Variants in PTPRN2 observed in about 807,000 individuals in gnomAD.
PTPRN2 encodes protein tyrosine phosphatase receptor type N2, also known as receptor-type tyrosine-protein phosphatase N2.
In PTPRN2, 74 loss-of-function variants were observed where a neutral mutation model predicts 118.8. The ratio of observed to expected loss-of-function variants is 0.62; its 90% confidence interval spans 0.52 to 0.76. PTPRN2 has a LOEUF of 0.76. PTPRN2 is among the 30% of genes least tolerant of loss of function. PTPRN2 has a pLI of 0.00. For missense variants in PTPRN2, 1,481 were observed against 1,394.4 expected, an observed-to-expected ratio of 1.06 and a Z score of -0.99; for synonymous variants, 641 against 608.0, an observed-to-expected ratio of 1.05 and a Z score of -0.80.
chr7:157,759,172 G>A (rs1801987710), intron 12 of PTPRN2, among the ~76,000 whole-genome samples: 1 of 152,240 alleles, frequency 6.6e-6, no homozygotes, highest in African/African-American at 2.4e-5. Context: ...CCTCTCCTGG[G>A]AGCATCGGTG....
At position 158,316,986 on chromosome 7, in the gene PTPRN2, A is replaced by AG. The variant is rs1440444419; in HGVS notation, c.164-55dup. Reference sequence around the variant, plus strand: ...ACGAGACGTTTCATTTTCAGAGAGCAGGAAGGTGTCACACACGTCCTTGCA... The same window carrying AG: ...ACGAGACGTTTCATTTTCAGAGAGCAGGGAAGGTGTCACACACGTCCTTGCA... On this transcript the variant is annotated intron_variant, in intron 2 of 22. Transcript: ENST00000389418. 2.9e-6 allele frequency: 4 copies of AG among 1,389,376 alleles called. No individual in the cohort carries two copies. The African/African-American group carries it at 5.7e-5, about 20-fold the overall frequency. The allele number at this position is 1,389,376 out of a possible 1,614,324, so 86.1% of individuals were successfully genotyped here.
chr7:157,568,704 C>T (rs1336453684), intron 21 of PTPRN2, among the ~76,000 whole-genome samples, 198 bp downstream of exon 21: 1 of 152,240 alleles, frequency 6.6e-6, no homozygotes, highest in African/African-American at 2.4e-5. Flanking sequence ...ACTGCAGGCT[C>T]GGCACGCAGA....
chr7:158,228,999 T>C (rs1424502526), intron 3 of PTPRN2, among the ~76,000 whole-genome samples: 1 of 152,066 alleles, frequency 6.6e-6, no homozygotes, highest in Non-Finnish European at 1.5e-5. Context: ...CACCACCCTG[T>C]AGCAGGAATG....
At chr7:158,098,188 G>C (rs1814806844) in intron 10 of PTPRN2, among the ~76,000 whole-genome samples, 1 of 152,232 alleles carries the variant, frequency 6.6e-6, no homozygotes, top group Non-Finnish European at 1.5e-5. Context: ...GCGTGGGGCA[G>C]CCTCTGCCTG....
intron 9 of PTPRN2, among the ~76,000 whole-genome samples, chr7:158,121,954 C>A (rs922344784): frequency 1.3e-5 from 2 of 152,182 alleles, no homozygotes; most frequent in Admixed American, 1.3e-4. Flanking sequence ...GCAGCCATTC[C>A]TATTTCATCT....
At chr7:158,406,523 G>A (rs907094390) in intron 2 of PTPRN2, among the ~76,000 whole-genome samples, 1 of 152,246 alleles carries the variant, frequency 6.6e-6, no homozygotes, top group African/African-American at 2.4e-5. Flanking sequence ...ATCTCAGGAA[G>A]GAAGAGCTGG....
intron 11 of PTPRN2, among the ~76,000 whole-genome samples, chr7:157,926,209 T>C (rs1041659946): frequency 2.1e-4 from 31 of 148,426 alleles, no homozygotes; most frequent in African/African-American, 7.8e-4. Flanking sequence ...GTCCATGCAT[T>C]ACCTCCCTCT....
chr7:157,660,607 G>C (rs982290981), intron 13 of PTPRN2, among the ~76,000 whole-genome samples: 1 of 152,254 alleles, frequency 6.6e-6, no homozygotes, highest in Admixed American at 6.5e-5. Context: ...TCAGTGCTTA[G>C]CATGGAGGCA....
At chr7:158,141,651 T>A (rs1235157135) in intron 6 of PTPRN2, among the ~76,000 whole-genome samples, 2 of 152,212 alleles carry the variant, frequency 1.3e-5, no homozygotes, top group Non-Finnish European at 2.9e-5. Flanking sequence ...GCTTCATTTC[T>A]GAACACTCTC....
At chr7:157,567,399 C>T (rs897149136) in intron 21 of PTPRN2, among the ~76,000 whole-genome samples, 23 of 152,278 alleles carry the variant, frequency 1.5e-4, no homozygotes, top group African/African-American at 4.8e-4. Context: ...AGGATGCTGG[C>T]GGTGTTGGGT....
intron 11 of PTPRN2, among the ~76,000 whole-genome samples, chr7:157,901,957 G>A (rs1161901084): frequency 2.0e-5 from 3 of 147,692 alleles, no homozygotes; most frequent in Non-Finnish European, 4.4e-5. Flanking sequence ...CTGAGGCGGG[G>A]CCTTCCCGTC....
At chr7:158,149,235 C>A (rs958627389) in intron 6 of PTPRN2, among the ~76,000 whole-genome samples, 1 of 151,842 alleles carries the variant, frequency 6.6e-6, no homozygotes, top group Non-Finnish European at 1.5e-5. Context: ...TCCAAGCTGG[C>A]ACCAATTATA....
intron 11 of PTPRN2, among the ~76,000 whole-genome samples, chr7:157,913,006 T>C (rs1798185797): frequency 6.6e-6 from 1 of 152,240 alleles, no homozygotes; most frequent in Admixed American, 6.5e-5. Flanking sequence ...GTTAAAATTT[T>C]ATTGAATCTA....
chr7:157,982,318 G>A (rs1430935281), intron 11 of PTPRN2, among the ~76,000 whole-genome samples: 1 of 90,934 alleles, frequency 1.1e-5, no homozygotes, highest in Non-Finnish European at 2.2e-5. Context: ...CTGAGTCATA[G>A]AGCCAAGGAG....
intron 3 of PTPRN2, among the ~76,000 whole-genome samples, chr7:158,232,980 G>A (rs1246471880): frequency 2.6e-5 from 4 of 152,052 alleles, no homozygotes; most frequent in Non-Finnish European, 4.4e-5. Context: ...ATAATGAATG[G>A]GGAAACACTG....
chr7:158,134,089 T>C lies in PTPRN2; in HGVS notation c.1174-30A>G, dbSNP rs762443001. The C allele has an allele frequency of 6.9e-6, 11 of 1,595,834 alleles. No homozygotes were observed. In the East Asian group the frequency reaches 1.8e-4, roughly 26 times the overall value. Reference sequence around the variant, plus strand: ...CAGAGAGGACATTCCGTGAGGGACGTCTGCGAAAGGAATGCTGATGTGACA... The same window carrying C: ...CAGAGAGGACATTCCGTGAGGGACGCCTGCGAAAGGAATGCTGATGTGACA... On this transcript the variant is annotated intron_variant, in intron 8 of 22. Transcript: ENST00000389418.
intron 3 of PTPRN2, among the ~76,000 whole-genome samples, chr7:158,257,597 C>G (rs924235794): frequency 2.0e-5 from 3 of 152,188 alleles, no homozygotes; most frequent in African/African-American, 7.2e-5. Context: ...GGTGAGCAAG[C>G]GTGCAGCAGC....
rs912368501 is a variant in PTPRN2, at chr7:157,987,144, G to A, written c.1724-88407C>T. Among the ~76,000 whole-genome samples the A allele has an allele frequency of 3.3e-5, 5 of 152,152 alleles. No individual in the cohort carries two copies. Among genetic ancestry groups the A allele is most frequent in the Admixed American group, 2.0e-4 (3 of 15,276 alleles). Reference sequence around the variant, plus strand: ...TGAAACAGCTGCACTGCCCCAGCACGCCGCCCACGCTTGGTCGGCAACACA... The same window carrying A: ...TGAAACAGCTGCACTGCCCCAGCACACCGCCCACGCTTGGTCGGCAACACA... On this transcript the variant is annotated intron_variant, in intron 11 of 22. Coordinates refer to ENST00000389418, the MANE Select transcript of PTPRN2 (RefSeq NM_002847.5). The surrounding 1 kb of genome is among the most constrained non-coding windows in gnomAD (Gnocchi z 4.3).
At chr7:157,694,489 G>A (rs1286366027) in intron 12 of PTPRN2, among the ~76,000 whole-genome samples, 1 of 152,144 alleles carries the variant, frequency 6.6e-6, no homozygotes, top group Non-Finnish European at 1.5e-5. Context: ...AGCTGAAGGC[G>A]GACCCACACT....
Sources: allele counts gnomAD v4.1 joint callset (sites outside exome capture counted in the v4.1 genomes callset), GRCh38; gene constraint gnomAD v4.1.1; non-coding constraint Gnocchi (gnomAD v3.1); transcripts MANE v1.5; gene names NCBI Gene and HGNC (gene_info 2026-07-23, HGNC 2026-07-21).